MCPH1: variants seen among roughly 807,000 people sequenced by gnomAD.
MCPH1 encodes the protein microcephalin 1, also known as microcephalin.
Under a neutral mutation model 84.5 loss-of-function variants are expected in MCPH1, and 104 were observed. That is an observed-to-expected ratio of 1.23 (90% CI 1.05 to 1.45). The LOEUF is 1.45. MCPH1 is among the 40% of genes most tolerant of loss of function. MCPH1 has a pLI of 0.00. For synonymous variants in MCPH1, 514 were observed against 366.8 expected, an observed-to-expected ratio of 1.40 and a Z score of -4.58; for missense variants, 1,498 against 1,005.7, an observed-to-expected ratio of 1.49 and a Z score of -6.62.
intron 12 of MCPH1, among the ~76,000 whole-genome samples, chr8:6,538,487 A>G (rs559108800): frequency 1.3e-5 from 2 of 152,208 alleles, no homozygotes; most frequent in South Asian, 2.1e-4. Flanking sequence ...CCTTCTTTTT[A>G]AGACACACAC....
intron 11 of MCPH1, among the ~76,000 whole-genome samples, chr8:6,487,071 G>A (rs1189619405): frequency 4.6e-5 from 7 of 152,184 alleles, no homozygotes; most frequent in Non-Finnish European, 7.3e-5. Context: ...AACTCAGCCT[G>A]TATTCAGATT....
chr8:6,521,443 G>T (rs748075814), intron 12 of MCPH1: 1 of 1,420,566 alleles, frequency 7.0e-7, no homozygotes, highest in East Asian at 2.3e-5. Flanking sequence ...GTTAGTGAAG[G>T]CTATTCTAAT....
intron 9 of MCPH1, among the ~76,000 whole-genome samples, chr8:6,462,967 C>G (rs1440876604): frequency 6.6e-6 from 1 of 152,168 alleles, no homozygotes; most frequent in Non-Finnish European, 1.5e-5. Flanking sequence ...CTCCCAGAGA[C>G]CACCATGTGT....
intron 2 of MCPH1, among the ~76,000 whole-genome samples, chr8:6,410,485 C>A (rs1283139726): frequency 6.6e-6 from 1 of 152,132 alleles, no homozygotes; most frequent in African/African-American, 2.4e-5. Flanking sequence ...AACAATTTGC[C>A]TTATTCAAGG....
intron 9 of MCPH1, among the ~76,000 whole-genome samples, chr8:6,475,162 G>A (rs1032101474): frequency 1.3e-5 from 2 of 152,196 alleles, no homozygotes; most frequent in African/African-American, 4.8e-5. Flanking sequence ...GTTATCCCAG[G>A]ATGAGAGACA....
intron 12 of MCPH1, among the ~76,000 whole-genome samples, chr8:6,569,955 C>T (rs1250741240): frequency 6.6e-6 from 1 of 152,200 alleles, no homozygotes; most frequent in Non-Finnish European, 1.5e-5. Context: ...GAGCCGGGAC[C>T]ATCCTATTAC....
intron 11 of MCPH1, among the ~76,000 whole-genome samples, chr8:6,489,840 G>C (rs746229282): frequency 7.2e-5 from 11 of 151,966 alleles, no homozygotes; most frequent in Non-Finnish European, 1.3e-4. Context: ...TGAGTTATCA[G>C]GGAAAAAAAA....
intron 3 of MCPH1, among the ~76,000 whole-genome samples, chr8:6,422,121 T>C (rs1255923363): frequency 6.6e-6 from 1 of 152,244 alleles, no homozygotes; most frequent in African/African-American, 2.4e-5. Flanking sequence ...TTTATCTGTC[T>C]GTGTATCTAA....
chr8:6,514,582 G>T, intron 12 of MCPH1: 3 of 1,058,286 alleles, frequency 2.8e-6, no homozygotes, highest in Non-Finnish European at 2.9e-6. Context: ...AAAAGTCATT[G>T]GTTAGTTTGG....
rs978663259 is a variant in MCPH1 at position 6,462,805 on chromosome 8, A to C, written c.1935+7553A>C. 2.0e-5 allele frequency among the ~76,000 whole-genome samples: 3 copies of C among 152,244 alleles called. No individual in the cohort carries two copies. The East Asian group carries it at 5.8e-4, about 29-fold the overall frequency. ...TTGAGTTGAAACATGCAAAGAGTTT[A>C]AGATAGTACCTCATATATAGAAGTG... On this transcript the variant is annotated intron_variant, in intron 9 of 13. Transcript: ENST00000344683.
chr8:6,456,527 C>T (rs1436166091), intron 9 of MCPH1, among the ~76,000 whole-genome samples: 3 of 152,190 alleles, frequency 2.0e-5, no homozygotes, highest in Admixed American at 1.3e-4. Flanking sequence ...CCTGCTGATG[C>T]GTCGCATGGC....
At chr8:6,440,149 T>C (rs1281340145) in intron 6 of MCPH1, among the ~76,000 whole-genome samples, 2 of 152,248 alleles carry the variant, frequency 1.3e-5, no homozygotes, top group Admixed American at 6.5e-5. Context: ...AGTTTTGATA[T>C]TGAAAATCTA....
At chr8:6,538,379 T>A (rs1467994354) in intron 12 of MCPH1, among the ~76,000 whole-genome samples, 1 of 152,190 alleles carries the variant, frequency 6.6e-6, no homozygotes, top group East Asian at 1.9e-4. Flanking sequence ...GCTGCTCTCC[T>A]TTCATCCCGC....
intron 4 of MCPH1, among the ~76,000 whole-genome samples, chr8:6,433,647 A>AC (rs1563200929): frequency 6.6e-6 from 1 of 150,730 alleles, no homozygotes; most frequent in Non-Finnish European, 1.5e-5. Flanking sequence ...AAAAAAAAAA[A>AC]AAAAAAAACC....
chr8:6,487,154 T>C (rs1263649420), intron 11 of MCPH1, among the ~76,000 whole-genome samples: 1 of 152,244 alleles, frequency 6.6e-6, no homozygotes, highest in Non-Finnish European at 1.5e-5. Flanking sequence ...CACTTATAAA[T>C]ACAAGTGTAG....
chr8:6,642,832 T>A (rs1339461882), intron 13 of MCPH1, 162 bp from the exon 14 acceptor site: 1 of 701,478 alleles, frequency 1.4e-6, no homozygotes, highest in African/African-American at 1.8e-5. Flanking sequence ...TCACGTTAAT[T>A]TAAAAAGGTA....
intron 12 of MCPH1, among the ~76,000 whole-genome samples, chr8:6,551,097 C>G (rs1265831523): frequency 6.6e-6 from 1 of 152,172 alleles, no homozygotes; most frequent in Admixed American, 6.5e-5. Flanking sequence ...GGGTGCTTAC[C>G]TTCCACGGCT....
At chr8:6,638,515 C>T (rs1797714256) in intron 13 of MCPH1, among the ~76,000 whole-genome samples, 1 of 151,334 alleles carries the variant, frequency 6.6e-6, no homozygotes, top group Non-Finnish European at 1.5e-5. Flanking sequence ...AGAGCCATGG[C>T]TAGTAAACTT....
chr8:6,444,313 G>A (rs913093169), intron 7 of MCPH1, 80 bp from the exon 8 acceptor site: 6 of 1,538,762 alleles, frequency 3.9e-6, no homozygotes, highest in Non-Finnish European at 5.4e-6. Flanking sequence ...TTTAAAAGTT[G>A]TTTTATTGGT....
Sources: gnomAD v4.1 joint callset for allele counts (sites outside exome capture counted in the v4.1 genomes callset) on GRCh38, gnomAD v4.1.1 for gene constraint, MANE v1.5 for transcripts, NCBI Gene and HGNC (gene_info 2026-07-23, HGNC 2026-07-21) for gene names.